KIF1B: variants seen among roughly 807,000 people sequenced by gnomAD.
The protein encoded by KIF1B is kinesin family member 1B.
In KIF1B, 76 loss-of-function variants were observed where a neutral mutation model predicts 241.9. The ratio of observed to expected loss-of-function variants is 0.31; its 90% CI spans 0.26 to 0.38. The LOEUF is 0.38. Ranked by LOEUF, KIF1B falls within the 10% of genes least tolerant of loss-of-function variation. KIF1B has a pLI of 1.00. For missense variants in KIF1B, 1,622 were observed against 2,271.4 expected (o/e 0.71, Z 5.81); for synonymous variants, 750 against 796.7 (o/e 0.94, Z 0.99).
intron 2 of KIF1B, among the ~76,000 whole-genome samples, chr1:10,252,489 CA>C (rs1199161605): frequency 6.6e-6 from 1 of 151,990 alleles, no homozygotes; most frequent in African/African-American, 2.4e-5. Flanking sequence ...TGGCTAACTG[CA>C]GCCTGGACCT....
At chr1:10,283,206 CAAAAAAAAAA>C (rs33994771) in intron 15 of KIF1B, among the ~76,000 whole-genome samples, 4 of 61,582 alleles carry the variant, frequency 6.5e-5, no homozygotes, top group East Asian at 6.6e-4. Context: ...GACTCCGTCT[CAAAAAAAAAA>C]AAAAAAAAAA....
chr1:10,296,785 A>G, intron 20 of KIF1B, 112 bp from the exon 21 acceptor site: 2 of 1,395,126 alleles, frequency 1.4e-6, no homozygotes, highest in Non-Finnish European at 2.0e-6. Flanking sequence ...GTTCTTGTAA[A>G]AACAACAGCT....
At chr1:10,356,326 C>T (rs909777395) in intron 38 of KIF1B, among the ~76,000 whole-genome samples, 1 of 151,986 alleles carries the variant, frequency 6.6e-6, no homozygotes, top group African/African-American at 2.4e-5. Context: ...GATCGCGCCA[C>T]TGCATTCCAG....
chr1:10,239,301 C>G (rs1337939304), intron 2 of KIF1B, among the ~76,000 whole-genome samples: 4 of 152,128 alleles, frequency 2.6e-5, no homozygotes, highest in Admixed American at 1.3e-4. Context: ...TTCCTCTAAT[C>G]TTTTCCTTGC....
chr1:10,259,074 C>T (rs1647962031), intron 4 of KIF1B, among the ~76,000 whole-genome samples: 1 of 151,036 alleles, frequency 6.6e-6, no homozygotes. Context: ...TTTTGATAGC[C>T]TTATTCGGAG....
intron 7 of KIF1B, among the ~76,000 whole-genome samples, chr1:10,269,348 A>G (rs1648652120): frequency 6.6e-6 from 1 of 151,864 alleles, no homozygotes; most frequent in African/African-American, 2.4e-5. Flanking sequence ...CCCAGTCTCT[A>G]CTAAAAATAT....
At chr1:10,358,421 T>C (rs1481013460) in intron 38 of KIF1B, among the ~76,000 whole-genome samples, 1 of 152,122 alleles carries the variant, frequency 6.6e-6, no homozygotes, top group African/African-American at 2.4e-5. Context: ...GAAATTTCTG[T>C]CAAATATCAC....
chr1:10,304,116 TATC>T, intron 22 of KIF1B: 1 of 1,614,048 alleles, frequency 6.2e-7, no homozygotes, highest in South Asian at 1.1e-5. Flanking sequence ...CTGGGACACA[TATC>T]ATCATAACAG....
At chr1:10,246,072 A>G (rs1647207281) in intron 2 of KIF1B, among the ~76,000 whole-genome samples, 1 of 152,092 alleles carries the variant, frequency 6.6e-6, no homozygotes, top group Non-Finnish European at 1.5e-5. Flanking sequence ...TGTAGCCTGG[A>G]CCTCTCTCTA....
chr1:10,214,321 G>A (rs550392595), intron 1 of KIF1B, among the ~76,000 whole-genome samples: 2 of 149,700 alleles, frequency 1.3e-5, no homozygotes, highest in Non-Finnish European at 3.0e-5. Context: ...ACAGAGTCTC[G>A]CCCTGTCACC....
intron 24 of KIF1B, 41 bp downstream of exon 24, chr1:10,321,898 G>C: frequency 6.2e-7 from 1 of 1,612,538 alleles, no homozygotes; most frequent in South Asian, 1.1e-5. Context: ...AGGCAAAGCC[G>C]AGCCTGCTGT....
chr1:10,378,452 C>T lies in KIF1B; in HGVS notation c.*1865C>T. 1 of 717,734 alleles carries T rather than the reference C, an allele frequency of 1.4e-6. No homozygotes were observed. The highest frequency in any genetic ancestry group is 1.5e-5 in the South Asian group (1 of 67,600). 44.5% of individuals were successfully genotyped at this position (717,734 alleles called of 1,614,324 possible). On this transcript the variant is annotated 3_prime_UTR_variant, in exon 49 of 49. Transcript: ENST00000676179. The stretch of plus-strand genomic sequence containing the variant: ...AGAAAGCCTCCAGTGACTTCAGTTG[C>T]TTTGCCAGTTGTCTTGGGATTGTTT...
intron 8 of KIF1B, 75 bp from the exon 9 acceptor site, chr1:10,272,166 C>T: frequency 1.0e-6 from 1 of 962,994 alleles, no homozygotes; most frequent in Non-Finnish European, 1.7e-6. Flanking sequence ...TATGGCAAAT[C>T]ATATTTTATG....
intron 22 of KIF1B, among the ~76,000 whole-genome samples, chr1:10,315,928 C>T (rs1448934325): frequency 1.3e-5 from 2 of 151,066 alleles, no homozygotes; most frequent in African/African-American, 2.5e-5. Flanking sequence ...TGGTGGTACA[C>T]ACCTGTAGTC....
At chr1:10,219,791 G>C (rs1328056558) in intron 1 of KIF1B, among the ~76,000 whole-genome samples, 1 of 151,906 alleles carries the variant, frequency 6.6e-6, no homozygotes, top group African/African-American at 2.4e-5. Context: ...ACTAGGGCTG[G>C]GGACAGTGGC....
chr1:10,320,715 C>CTTATTTATTTAT (rs58385105), intron 23 of KIF1B, among the ~76,000 whole-genome samples: 58 of 151,456 alleles, frequency 3.8e-4, no homozygotes, highest in South Asian at 1.9e-3. Context: ...TATTACATTT[C>CTTATTTATTTAT]TTATTTATTT....
chr1:10,230,938 G>A (rs1189309836), intron 1 of KIF1B: 1 of 152,180 alleles, frequency 6.6e-6, no homozygotes, highest in Non-Finnish European at 1.5e-5. Flanking sequence ...AATTGGCCAG[G>A]CGCAGTGACT....
At chr1:10,239,362 T>C (rs894356321) in intron 2 of KIF1B, among the ~76,000 whole-genome samples, 3 of 152,154 alleles carry the variant, frequency 2.0e-5, no homozygotes, top group African/African-American at 7.2e-5. Context: ...GTACTGTTTT[T>C]TGGTTTGCTT....
chr1:10,217,047 C>T (rs1646778476), intron 1 of KIF1B, among the ~76,000 whole-genome samples: 1 of 133,128 alleles, frequency 7.5e-6, no homozygotes, highest in Non-Finnish European at 1.5e-5. Context: ...GATCTTGGCT[C>T]ACTACAACCT....
Sources: allele counts gnomAD v4.1 joint callset (sites outside exome capture counted in the v4.1 genomes callset), GRCh38; gene constraint gnomAD v4.1.1; transcripts MANE v1.5; gene names NCBI Gene and HGNC (gene_info 2026-07-23, HGNC 2026-07-21).